RASGRF2: variants seen among roughly 807,000 people sequenced by gnomAD.
RASGRF2 encodes Ras protein specific guanine nucleotide releasing factor 2.
RASGRF2 carries 76 observed loss-of-function variants against 151.0 expected under a neutral mutation model. The observed-to-expected ratio is 0.50, with a 90% confidence interval of 0.42 to 0.61. The LOEUF (loss-of-function observed/expected upper bound fraction) is 0.61. RASGRF2 is among the 20% of genes least tolerant of loss of function. The pLI is 0.00. For missense variants in RASGRF2, 1,148 were observed against 1,564.6 expected, an observed-to-expected ratio of 0.73 and a Z score of 4.49; for synonymous variants, 504 against 566.5, an observed-to-expected ratio of 0.89 and a Z score of 1.57.
intron 12 of RASGRF2, among the ~76,000 whole-genome samples, chr5:81,098,634 G>A (rs1752614684): frequency 6.6e-6 from 1 of 152,194 alleles, no homozygotes; most frequent in Non-Finnish European, 1.5e-5. Context: ...GCTGCCAAAG[G>A]CTGAGTGAAG....
At chr5:81,068,574 A>G (rs2112453746) in intron 3 of RASGRF2, among the ~76,000 whole-genome samples, 1 of 152,306 alleles carries the variant, frequency 6.6e-6, no homozygotes, top group Non-Finnish European at 1.5e-5. Context: ...CCAGCAATGA[A>G]TTCAGAAATA....
chr5:81,147,542 T>C (rs1754033912), intron 17 of RASGRF2, among the ~76,000 whole-genome samples: 1 of 152,242 alleles, frequency 6.6e-6, no homozygotes, highest in Admixed American at 6.5e-5. Flanking sequence ...AAACCCCAAC[T>C]AGCCTAACTG....
chr5:81,208,190 A>G (rs538142805), intron 21 of RASGRF2, among the ~76,000 whole-genome samples, 164 bp from the exon 22 acceptor site: 5 of 152,224 alleles, frequency 3.3e-5, no homozygotes, highest in Non-Finnish European at 7.3e-5. Context: ...AAACTGCAAC[A>G]GCCGAGGTAA....
intron 1 of RASGRF2, among the ~76,000 whole-genome samples, chr5:81,007,131 T>C (rs1323462043): frequency 6.6e-6 from 1 of 152,158 alleles, no homozygotes; most frequent in Non-Finnish European, 1.5e-5. Flanking sequence ...ATATGCCTCT[T>C]CTCCTGTTAA....
At chr5:81,115,496 G>A (rs1009405464) in intron 15 of RASGRF2, among the ~76,000 whole-genome samples, 8 of 152,158 alleles carry the variant, frequency 5.3e-5, no homozygotes, top group African/African-American at 1.7e-4. Context: ...GGGGGTATGG[G>A]AAGTACAGGA....
At chr5:80,981,714 C>A (rs1748307931) in intron 1 of RASGRF2, among the ~76,000 whole-genome samples, 1 of 152,014 alleles carries the variant, frequency 6.6e-6, no homozygotes, top group South Asian at 2.1e-4. Flanking sequence ...TACAGGCCTG[C>A]ACCATCACAC....
At chr5:81,196,420 C>T (rs185913071) in intron 18 of RASGRF2, among the ~76,000 whole-genome samples, 1 of 152,312 alleles carries the variant, frequency 6.6e-6, no homozygotes, top group Non-Finnish European at 1.5e-5. Context: ...TGATTTATAT[C>T]ATCAGCAGCA....
chr5:81,026,563 T>A (rs911911690), intron 1 of RASGRF2, among the ~76,000 whole-genome samples: 25 of 152,160 alleles, frequency 1.6e-4, no homozygotes, highest in African/African-American at 5.8e-4. Context: ...AAGAAATAAG[T>A]AGGTAGAAGG....
chr5:81,197,462 CAA>C (rs10674027), intron 18 of RASGRF2, among the ~76,000 whole-genome samples: 5 of 63,726 alleles, frequency 7.8e-5, no homozygotes, highest in African/African-American at 2.1e-4. Flanking sequence ...GACTCCGTCT[CAA>C]AAAAAAAAAA....
intron 1 of RASGRF2, among the ~76,000 whole-genome samples, chr5:81,029,790 C>T (rs1328859907): frequency 1.3e-5 from 2 of 152,206 alleles, no homozygotes; most frequent in Non-Finnish European, 2.9e-5. Flanking sequence ...CAAAGCTGGA[C>T]AGAGAATGAC....
chr5:81,080,467 A>T, intron 6 of RASGRF2, 129 bp from the exon 7 acceptor site: 1 of 1,095,848 alleles, frequency 9.1e-7, no homozygotes, highest in Non-Finnish European at 1.3e-6. Flanking sequence ...ATCATCATTC[A>T]GGCATCAGGG....
At chr5:81,165,019 C>T (rs752661768) in intron 17 of RASGRF2, among the ~76,000 whole-genome samples, 18 of 152,198 alleles carry the variant, frequency 1.2e-4, no homozygotes, top group African/African-American at 2.9e-4. Context: ...GGAGCCAATC[C>T]GCAGCCTGCC....
chr5:81,195,238 G>A (rs1251351365), intron 18 of RASGRF2, among the ~76,000 whole-genome samples: 1 of 151,658 alleles, frequency 6.6e-6, no homozygotes, highest in African/African-American at 2.4e-5. Context: ...CCATCTTGTG[G>A]GCGCCTCGAT....
intron 2 of RASGRF2, among the ~76,000 whole-genome samples, chr5:81,067,566 T>C (rs953684243): frequency 6.6e-6 from 1 of 152,222 alleles, no homozygotes; most frequent in African/African-American, 2.4e-5. Flanking sequence ...TAATAGATTT[T>C]TTCCAGTTAG....
intron 9 of RASGRF2, among the ~76,000 whole-genome samples, chr5:81,089,524 T>TA: frequency 6.6e-6 from 1 of 152,356 alleles, no homozygotes; most frequent in South Asian, 2.1e-4. Flanking sequence ...AGTTTTATTG[T>TA]AAATGGTTTC....
intron 1 of RASGRF2, chr5:81,019,380 A>T (rs572984934): frequency 6.6e-6 from 1 of 152,308 alleles, no homozygotes; most frequent in East Asian, 1.9e-4. Flanking sequence ...CGTTGAGATA[A>T]GTCACGGAGC....
At chr5:81,076,215 A>G (rs1435079315) in intron 5 of RASGRF2, among the ~76,000 whole-genome samples, 1 of 152,166 alleles carries the variant, frequency 6.6e-6, no homozygotes, top group East Asian at 1.9e-4. Context: ...GGGTATAGAA[A>G]ATTCTTTTGA....
intron 2 of RASGRF2, among the ~76,000 whole-genome samples, chr5:81,052,673 G>C (rs1308793526): frequency 3.3e-5 from 5 of 152,314 alleles, no homozygotes; most frequent in African/African-American, 1.2e-4. Context: ...ACTGACAGGA[G>C]AGAACTTGAG....
rs989321008 is a variant in RASGRF2 at position 80,984,066 on chromosome 5, TC to T, written c.288+23041del. ...TGAGCTCGTTTTTCCTTCTTCTTCA[TC>T]TTTTTTGTTTTTAAACAGAGTCTTG... On this transcript the variant is annotated intron_variant, in intron 1 of 26. Coordinates refer to ENST00000265080, the MANE Select transcript of RASGRF2 (RefSeq NM_006909.3). Among the ~76,000 whole-genome samples, 5 of 152,254 alleles carry T rather than the reference TC, an allele frequency of 3.3e-5. No homozygotes were observed. The East Asian group carries it at 9.7e-4, about 29-fold the overall frequency.
Sources: gnomAD v4.1 joint callset for allele counts (sites outside exome capture counted in the v4.1 genomes callset) on GRCh38, gnomAD v4.1.1 for gene constraint, MANE v1.5 for transcripts, NCBI Gene and HGNC (gene_info 2026-07-23, HGNC 2026-07-21) for gene names.